Variants in RAD50 observed in about 807,000 individuals in gnomAD.
RAD50 encodes DNA repair protein RAD50.
In RAD50, 132 loss-of-function variants were observed where a neutral mutation model predicts 168.8. That is an observed-to-expected ratio of 0.78 (90% CI 0.68 to 0.90). RAD50 has a LOEUF of 0.90. RAD50 is among the 40% of genes least tolerant of loss of function. The pLI is 0.00. For synonymous variants in RAD50, 525 were observed against 497.4 expected (o/e 1.06, Z -0.74); for missense variants, 1,347 against 1,534.4 (o/e 0.88, Z 2.04).
intron 23 of RAD50, among the ~76,000 whole-genome samples, chr5:132,638,707 CA>C (rs1482718302): frequency 1.3e-5 from 2 of 152,214 alleles, no homozygotes; most frequent in African/African-American, 4.8e-5. Context: ...AGTAGCCCCT[CA>C]TAGAACTAAG....
intron 5 of RAD50, among the ~76,000 whole-genome samples, chr5:132,583,987 G>A (rs1244860108): frequency 6.6e-6 from 1 of 152,054 alleles, no homozygotes; most frequent in East Asian, 1.9e-4. Context: ...GTGAGCCACT[G>A]TGCCCGGCAA....
chr5:132,619,630 G>C (rs558437602), intron 21 of RAD50, among the ~76,000 whole-genome samples: 1 of 151,718 alleles, frequency 6.6e-6, no homozygotes, highest in Non-Finnish European at 1.5e-5. Flanking sequence ...TTCCTTTTCA[G>C]TTATATGTAT....
At chr5:132,583,977 G>A (rs544891746) in intron 5 of RAD50, among the ~76,000 whole-genome samples, 2 of 152,116 alleles carry the variant, frequency 1.3e-5, no homozygotes, top group African/African-American at 4.8e-5. Context: ...GATTACAGGT[G>A]TGAGCCACTG....
intron 13 of RAD50, among the ~76,000 whole-genome samples, chr5:132,601,472 CATT>C (rs1306088849): frequency 6.6e-6 from 1 of 152,162 alleles, no homozygotes; most frequent in Non-Finnish European, 1.5e-5. Context: ...GCTTGGCCAT[CATT>C]ATTAGGCTGT....
intron 16 of RAD50, 125 bp downstream of exon 16, chr5:132,605,124 A>T: frequency 1.6e-6 from 1 of 620,264 alleles, no homozygotes; most frequent in Non-Finnish European, 2.6e-6. Flanking sequence ...GGCTCACTGC[A>T]ACCTCCATCT....
chr5:132,558,659 C>T (rs891158702), intron 1 of RAD50, among the ~76,000 whole-genome samples: 2 of 147,898 alleles, frequency 1.4e-5, no homozygotes, highest in South Asian at 2.1e-4. Flanking sequence ...TGCAGTGAGC[C>T]GAGATCACGC....
intron 1 of RAD50, among the ~76,000 whole-genome samples, chr5:132,557,812 G>A (rs1371116911): frequency 6.6e-6 from 1 of 152,182 alleles, no homozygotes; most frequent in Non-Finnish European, 1.5e-5. Flanking sequence ...CCCAGTAGTT[G>A]TCCCATACAA....
rs876660831 is a variant in RAD50 at position 132,640,735 on chromosome 5, A to G, written c.3682A>G (p.Ile1228Val). The G allele has an allele frequency of 1.2e-6, 2 of 1,614,062 alleles. No homozygotes were observed. Among genetic ancestry groups the G allele is most frequent in the African/African-American group, 2.7e-5 (2 of 74,924 alleles). ...AETFCLNCGI[I>V]ALDEPTTNLD... is the part of the protein sequence containing the mutation. ...AACGTTCTGCCTCAACTGTGGCATC[A>G]TTGCCTTGGATGAGCCAACAACAAA... Residue 1228 changes from isoleucine to valine, a missense_variant, in exon 24 of 25, where the codon ATT (isoleucine) becomes GTT (valine). Transcript: ENST00000378823.
intron 15 of RAD50, 23 bp downstream of exon 15, chr5:132,604,069 G>C: frequency 1.2e-6 from 2 of 1,612,222 alleles, no homozygotes; most frequent in Non-Finnish European, 8.5e-7. Flanking sequence ...GTGTCCTTCT[G>C]TACTCATAGA....
intron 6 of RAD50, 109 bp from the exon 7 acceptor site, chr5:132,587,815 A>G (rs929831324): frequency 6.5e-7 from 1 of 1,532,880 alleles, no homozygotes; most frequent in Non-Finnish European, 9.0e-7. Context: ...TTCTATGTAT[A>G]TGTTAAAATG....
Position 132,603,996 on chromosome 5 carries a change from T to TC in RAD50, c.2476dup (p.Gln826ProfsTer19). The stretch of plus-strand genomic sequence containing the variant: ...CAAGGAATAGACTTAGATCGAACTG[T>TC]CCAACAAGTCAACCAGGAGAAACAA... On this transcript the variant is annotated frameshift_variant, in exon 15 of 25. Coordinates refer to ENST00000378823, the MANE Select transcript of RAD50 (RefSeq NM_005732.4). LOFTEE classifies it high-confidence loss of function. 6.2e-7 allele frequency: 1 copy of TC among 1,613,680 alleles called. No individual in the cohort carries two copies. The highest frequency in any genetic ancestry group is 8.5e-7 in the Non-Finnish European group (1 of 1,179,682).
Position 132,646,205 on chromosome 5 carries a change from C to T in RAD50, c.*3841C>T, listed in dbSNP as rs538031035. On this transcript the variant is annotated 3_prime_UTR_variant, in exon 25 of 25. Coordinates refer to ENST00000378823, the MANE Select transcript of RAD50 (RefSeq NM_005732.4). ...CACTGACCACTCCTACAACCACCAT[C>T]TATACACTGATAACTCATAAATGTT... The T allele has an allele frequency of 6.6e-6, 1 of 151,458 alleles. No individual in the cohort carries two copies. The highest frequency in any genetic ancestry group is 1.5e-5 in the Non-Finnish European group (1 of 67,880). 9.4% of individuals were successfully genotyped at this position (151,458 alleles called of 1,614,324 possible). A position where few individuals can be genotyped will look rare whatever the true frequency, so the allele number is the denominator to read the frequency against.
In RAD50 at chr5:132,559,351, T is replaced by G. The variant is rs761221487; in HGVS notation, c.197T>G (p.Phe66Cys). 1 of 1,608,926 alleles carries G rather than the reference T, an allele frequency of 6.2e-7. No individual in the cohort carries two copies. The highest frequency in any genetic ancestry group is 1.1e-5 in the South Asian group (1 of 89,720). Residue 66 changes from phenylalanine (F) to cysteine (C), a missense_variant, in exon 2 of 25, where the codon TTT becomes TGT. Physicochemically the swap from Phe to Cys is radical, Grantham distance 205. This residue lies in a region of RAD50 where 703 missense variants were observed against 767.7 expected (regional missense o/e 0.92). Transcript: ENST00000378823. Reference sequence around the variant, plus strand: ...CCTCCTGGAACCAAAGGAAATACATTTGTACACGATCCCAAGGTAATGGTG... The same window carrying G: ...CCTCCTGGAACCAAAGGAAATACATGTGTACACGATCCCAAGGTAATGGTG... ...DFPPGTKGNT[F>C]VHDPKVAQET...
chr5:132,619,885 T>TATATATAGAGAG (rs1554099997), intron 21 of RAD50, among the ~76,000 whole-genome samples: 12 of 121,222 alleles, frequency 9.9e-5, no homozygotes, highest in African/African-American at 4.2e-4. Flanking sequence ...TATATATATA[T>TATATATAGAGAG]AGAGAGAGAG....
At chr5:132,594,655 A>G (rs986749224) in intron 11 of RAD50, among the ~76,000 whole-genome samples, 1 of 152,200 alleles carries the variant, frequency 6.6e-6, no homozygotes, top group South Asian at 2.1e-4. Flanking sequence ...TTCTGGGAGC[A>G]GGCCCATGAG....
intron 5 of RAD50, among the ~76,000 whole-genome samples, chr5:132,583,820 A>G (rs1053234660): frequency 6.6e-6 from 1 of 151,430 alleles, no homozygotes; most frequent in East Asian, 1.9e-4. Context: ...CAGCCTCCCA[A>G]GTAGCTGGGA....
intron 1 of RAD50, among the ~76,000 whole-genome samples, chr5:132,557,701 C>T (rs1208482768): frequency 6.6e-6 from 1 of 152,200 alleles, no homozygotes; most frequent in South Asian, 2.1e-4. Flanking sequence ...ATACCGGGAG[C>T]TGTCGCCGCT....
At chr5:132,594,797 T>G in intron 11 of RAD50, 72 bp from the exon 12 acceptor site, 1 of 1,441,724 alleles carries the variant, frequency 6.9e-7, no homozygotes, top group Non-Finnish European at 9.7e-7. Context: ...TTTGTCTTGT[T>G]TTTGCCTACT....
chr5:132,591,391 G>C lies in RAD50; in HGVS notation c.1620G>C (p.Met540Ile), dbSNP rs1287911518. Residue 540 changes from methionine to isoleucine, a missense_variant, in exon 10 of 25, where the codon ATG becomes ATC. Transcript: ENST00000378823. Reference protein sequence around the residue: ...HHTTTRTQMEMLTKDKADKDE... With the variant: ...HHTTTRTQMEILTKDKADKDE... ...CAACAACACGTACCCAAATGGAGAT[G>C]CTGACCAAAGACAAAGTATGATTTT... 1 of 1,613,622 alleles carries C rather than the reference G, an allele frequency of 6.2e-7. No individual in the cohort carries two copies. Among genetic ancestry groups the C allele is most frequent in the South Asian group, 1.1e-5 (1 of 91,078 alleles).
Sources: allele counts gnomAD v4.1 joint callset (sites outside exome capture counted in the v4.1 genomes callset), GRCh38; gene constraint gnomAD v4.1.1; regional missense constraint gnomAD v4.1.1; transcripts MANE v1.5; gene names NCBI Gene and HGNC (gene_info 2026-07-23, HGNC 2026-07-21).